CD36: variants seen among roughly 807,000 people sequenced by gnomAD.
The protein encoded by CD36 is platelet glycoprotein 4.
In CD36, 119 loss-of-function variants were observed where a neutral mutation model predicts 55.2. The observed-to-expected ratio is 2.15, with a 90% confidence interval of 1.86 to 2.51. CD36 has a LOEUF of 2.51. CD36 is among the 30% of genes most tolerant of loss of function. CD36 has a pLI of 0.00. For synonymous variants in CD36, 186 were observed against 193.6 expected (o/e 0.96, Z 0.33); for missense variants, 819 against 555.5 (o/e 1.47, Z -4.77).
chr7:80,636,219 T>A (rs1324183462), upstream of CD36, among the ~76,000 whole-genome samples: 1 of 151,430 alleles, frequency 6.6e-6, no homozygotes, highest in Admixed American at 6.6e-5. Context: ...AAATGGGGAG[T>A]GTTGAGTGCC....
At chr7:80,661,766 G>A in intron 5 of CD36, among the ~76,000 whole-genome samples, 1 of 152,160 alleles carries the variant, frequency 6.6e-6, no homozygotes, top group East Asian at 1.9e-4. Flanking sequence ...TAAACTTGAT[G>A]GAATCACAAC....
intron 1 of CD36, among the ~76,000 whole-genome samples, chr7:80,616,003 C>T (rs1240183651): frequency 2.6e-5 from 4 of 152,114 alleles, no homozygotes; most frequent in African/African-American, 9.7e-5. Context: ...TAACAGATAA[C>T]ACTTTCTTCC....
At chr7:80,670,117 A>G in intron 9 of CD36, 95 bp downstream of exon 9, 2 of 801,926 alleles carry the variant, frequency 2.5e-6, no homozygotes, top group Non-Finnish European at 4.4e-6. Flanking sequence ...GAAATTCATC[A>G]TGTTTATTAA....
At chr7:80,672,183 C>A (rs1342762563) in intron 11 of CD36, 143 bp downstream of exon 11, 1 of 669,142 alleles carries the variant, frequency 1.5e-6, no homozygotes, top group Non-Finnish European at 2.5e-6. Context: ...AAACTTAGGT[C>A]GATTTCTTCC....
At chr7:80,617,796 T>C (rs1260511373) in intron 1 of CD36, among the ~76,000 whole-genome samples, 4 of 152,114 alleles carry the variant, frequency 2.6e-5, no homozygotes, top group African/African-American at 7.2e-5. Context: ...TGCTGAAGTT[T>C]CTATTTCTCA....
chr7:80,662,632 T>C (rs1796637850), intron 5 of CD36: 1 of 271,280 alleles, frequency 3.7e-6, no homozygotes, highest in African/African-American at 2.3e-5. Context: ...ATGTGCAGGA[T>C]TGTTACATAG....
chr7:80,649,309 T>C (rs1462406974), intron 3 of CD36, among the ~76,000 whole-genome samples: 1 of 152,066 alleles, frequency 6.6e-6, no homozygotes, highest in African/African-American at 2.4e-5. Flanking sequence ...CCTGGCCTTG[T>C]ATACTACTCT....
intron 1 of CD36, among the ~76,000 whole-genome samples, chr7:80,632,909 G>A (rs897896100): frequency 3.3e-5 from 5 of 151,650 alleles, no homozygotes; most frequent in South Asian, 2.1e-4. Flanking sequence ...CTTTCTGCCC[G>A]GTAAAAATTC....
intron 1 of CD36, among the ~76,000 whole-genome samples, chr7:80,603,736 G>T (rs907009500): frequency 2.6e-5 from 3 of 116,202 alleles, no homozygotes; most frequent in Admixed American, 9.2e-5. Context: ...CTGGGGAAAA[G>T]ATAAGCTCTG....
intron 3 of CD36, among the ~76,000 whole-genome samples, chr7:80,651,379 G>C (rs953314002): frequency 6.6e-5 from 10 of 151,814 alleles, no homozygotes; most frequent in African/African-American, 2.2e-4. Context: ...ATGTACCTCT[G>C]ACCCTAAAAT....
intron 8 of CD36, among the ~76,000 whole-genome samples, chr7:80,669,410 G>T (rs552680474): frequency 4.6e-5 from 7 of 152,148 alleles, no homozygotes; most frequent in Admixed American, 2.6e-4. Context: ...AAATATTTTG[G>T]ATATTAATAA....
intron 4 of CD36, 73 bp downstream of exon 4, chr7:80,656,773 A>G: frequency 7.6e-7 from 1 of 1,316,580 alleles, no homozygotes; most frequent in South Asian, 1.2e-5. Context: ...CTACTTGGCA[A>G]ATGTCATTGT....
chr7:80,675,790 G>A (rs931717845), intron 14 of CD36, among the ~76,000 whole-genome samples: 34 of 152,108 alleles, frequency 2.2e-4, no homozygotes, highest in African/African-American at 7.5e-4. Context: ...AGTGTAAGAC[G>A]GTGGAGCTTT....
In CD36 at chr7:80,676,461, T is replaced by A. The variant is rs190680983; in HGVS notation, c.*78T>A. 88 of 152,118 alleles carry A rather than the reference T, an allele frequency of 5.8e-4. 1 individual carries two copies. The highest frequency in any genetic ancestry group is 5.6e-3 in the Admixed American group (86 of 15,262). The allele number at this position is 152,118 out of a possible 1,614,324, so 9.4% of individuals were successfully genotyped here. Reference sequence around the variant, plus strand: ...CTGGGTGGCCAATTCAGAAGAAGAGTGTACATGCTCAACAAATCCTAGGCC... The same window carrying A: ...CTGGGTGGCCAATTCAGAAGAAGAGAGTACATGCTCAACAAATCCTAGGCC... On this transcript the variant is annotated 3_prime_UTR_variant, in exon 15 of 15. Coordinates refer to ENST00000447544, the MANE Select transcript of CD36 (RefSeq NM_001001548.3).
chr7:80,664,413 A>G lies in CD36; in HGVS notation c.617A>G (p.Asn206Ser), dbSNP rs771881270. ...CCCATACATATATTTCAGTACAACAATACTGCAGATGGAGTTTATAAAGTT... is the reference window on the plus strand; with the variant it reads ...CCCATACATATATTTCAGTACAACAGTACTGCAGATGGAGTTTATAAAGTT... ...TTVGLFYPYN[N>S]TADGVYKVFN... Residue 206 changes from asparagine to serine, a missense_variant, in exon 7 of 15, where the codon AAT becomes AGT. Physicochemically the swap from Asn to Ser is conservative, Grantham distance 46. Transcript: ENST00000447544. The G allele has an allele frequency of 1.0e-5, 16 of 1,536,504 alleles. No individual in the cohort carries two copies. The highest frequency in any genetic ancestry group is 6.8e-5 in the East Asian group (3 of 44,410).
At chr7:80,650,001 T>G (rs1196685473) in intron 3 of CD36, among the ~76,000 whole-genome samples, 1 of 152,006 alleles carries the variant, frequency 6.6e-6, no homozygotes, top group South Asian at 2.1e-4. Flanking sequence ...ATACTTTGAG[T>G]AGGGTAATAA....
intron 14 of CD36, 35 bp downstream of exon 14, chr7:80,674,182 A>G (rs377591152): frequency 7.1e-7 from 1 of 1,401,028 alleles, no homozygotes; most frequent in Non-Finnish European, 1.0e-6. Flanking sequence ...CTTCAATAAT[A>G]TTAGCTTATA....
At chr7:80,628,498 A>T (rs1271546695) in intron 1 of CD36, among the ~76,000 whole-genome samples, 1 of 152,078 alleles carries the variant, frequency 6.6e-6, no homozygotes, top group African/African-American at 2.4e-5. Flanking sequence ...AGAGTGTAGA[A>T]AACCATATTG....
chr7:80,642,711 TTAAAG>T (rs1240194024), intron 1 of CD36, among the ~76,000 whole-genome samples: 1 of 152,158 alleles, frequency 6.6e-6, no homozygotes, highest in Non-Finnish European at 1.5e-5. Context: ...AGGTAGAAAC[TTAAAG>T]TAATAAGAGG....
Sources: gnomAD v4.1 joint callset for allele counts (sites outside exome capture counted in the v4.1 genomes callset) on GRCh38, gnomAD v4.1.1 for gene constraint, MANE v1.5 for transcripts, NCBI Gene and HGNC (gene_info 2026-07-23, HGNC 2026-07-21) for gene names.